TUBA1C: variants seen among roughly 807,000 people sequenced by gnomAD.
TUBA1C encodes tubulin alpha-1C chain.
TUBA1C carries 16 observed loss-of-function variants against 34.9 expected under a neutral mutation model. That is an observed-to-expected ratio of 0.46 (90% CI 0.31 to 0.70). TUBA1C has a LOEUF of 0.70. Among genes scored for constraint, TUBA1C ranks in the 30% least tolerant of loss-of-function variants. The probability of loss-of-function intolerance (pLI) is 0.05; values close to 1 mark genes in which losing one functional copy is unlikely to be tolerated. For missense variants in TUBA1C, 329 were observed against 587.3 expected (o/e 0.56, Z 4.55); for synonymous variants, 177 against 215.9 (o/e 0.82, Z 1.58).
At chr12:49,241,472 T>G (rs1942614159) in intron 1 of TUBA1C, among the ~76,000 whole-genome samples, 1 of 152,140 alleles carries the variant, frequency 6.6e-6, no homozygotes, top group Non-Finnish European at 1.5e-5. Flanking sequence ...TGCTTCAGCC[T>G]GAAGGGACTG....
chr12:49,240,075 CA>C (rs762491367), intron 1 of TUBA1C, among the ~76,000 whole-genome samples: 1,624 of 150,608 alleles, frequency 0.011, 17 homozygotes, highest in South Asian at 0.018. Flanking sequence ...CACACACACA[CA>C]CCCTGCCTTT....
chr12:49,248,015 A>G (rs1264858918), intron 1 of TUBA1C, among the ~76,000 whole-genome samples: 1 of 144,724 alleles, frequency 6.9e-6, no homozygotes, highest in African/African-American at 2.6e-5. Context: ...GGTGGCTCAC[A>G]CCTGTAATCC....
chr12:49,269,504 C>T lies in TUBA1C; in HGVS notation c.43C>T (p.Gln15Ter). The T allele has an allele frequency of 6.2e-7, 1 of 1,614,234 alleles. No homozygotes were observed. Among genetic ancestry groups the T allele is most frequent in the South Asian group, 1.1e-5 (1 of 91,086 alleles). ...CATCCACGTTGGCCAGGCTGGTGTC[C>T]AGATTGGCAATGCCTGCTGGGAGCT... The part of the protein sequence containing the change: ...ISIHVGQAGV[Q>*]IGNACWELYC... Residue 15 changes from glutamine (Q) to a stop codon, truncating the protein, a stop_gained, in exon 2 of 4, where the codon CAG becomes TAG. Transcript: ENST00000301072. LOFTEE classifies it high-confidence loss of function.
At chr12:49,250,526 A>T (rs1942722985) in intron 1 of TUBA1C, among the ~76,000 whole-genome samples, 1 of 150,628 alleles carries the variant, frequency 6.6e-6, no homozygotes, top group Non-Finnish European at 1.5e-5. Context: ...TCCGTCTCAA[A>T]AAAAAAAAAA....
intron 1 of TUBA1C, among the ~76,000 whole-genome samples, chr12:49,239,646 G>GAAAA: frequency 8.6e-6 from 1 of 116,154 alleles, no homozygotes; most frequent in East Asian, 2.5e-4. Context: ...GTCTCAAAAA[G>GAAAA]AAAAAAAAAA....
At chr12:49,236,231 AG>A (rs1473046099) in intron 1 of TUBA1C, among the ~76,000 whole-genome samples, 2 of 152,248 alleles carry the variant, frequency 1.3e-5, no homozygotes, top group Admixed American at 1.3e-4. Flanking sequence ...TAAATGCATT[AG>A]CAAACACATT....
At chr12:49,234,908 C>G (rs1565637906) in intron 1 of TUBA1C, among the ~76,000 whole-genome samples, 1 of 152,122 alleles carries the variant, frequency 6.6e-6, no homozygotes, top group Non-Finnish European at 1.5e-5. Context: ...ACCTCCGCCT[C>G]CCAGATTCAA....
intron 1 of TUBA1C, among the ~76,000 whole-genome samples, chr12:49,240,760 T>A (rs923705990): frequency 2.6e-5 from 4 of 151,924 alleles, no homozygotes; most frequent in African/African-American, 9.7e-5. Context: ...ACTAATTTTT[T>A]TTATTATTAT....
At chr12:49,255,961 T>TG (rs1942780860) in intron 1 of TUBA1C, among the ~76,000 whole-genome samples, 1 of 152,142 alleles carries the variant, frequency 6.6e-6, no homozygotes, top group African/African-American at 2.4e-5. Context: ...CTGAGGCCAG[T>TG]GGGTGTGGTG....
In TUBA1C at chr12:49,274,314, T is replaced by TTTTTTTTTTTTG. The variant is rs1943033794; in HGVS notation, c.*1087_*1088insTTTTTTTTTTTG. 7.2e-6 allele frequency: 1 copy of TTTTTTTTTTTTG among 138,858 alleles called. No individual in the cohort carries two copies. The highest frequency in any genetic ancestry group is 2.8e-5 in the African/African-American group (1 of 35,636). The allele number at this position is 138,858 out of a possible 1,614,324, so 8.6% of individuals were successfully genotyped here. ...TTTTTTTTTTTTTTTTTTTTTTTTT[T>TTTTTTTTTTTTG]GGTAGAGATGGGGTTTTGCCATGTT... is the stretch of plus-strand genomic sequence containing the variant. On this transcript the variant is annotated 3_prime_UTR_variant, in exon 4 of 4. Transcript: ENST00000301072.
upstream of TUBA1C, among the ~76,000 whole-genome samples, chr12:49,262,826 T>C (rs764643850): frequency 6.6e-6 from 1 of 152,076 alleles, no homozygotes; most frequent in Non-Finnish European, 1.5e-5. Flanking sequence ...TTCTGGAAAC[T>C]GTCAACTGAA....
intron 3 of TUBA1C, among the ~76,000 whole-genome samples, chr12:49,271,523 C>T (rs1206567000): frequency 2.0e-5 from 3 of 152,216 alleles, no homozygotes; most frequent in Non-Finnish European, 4.4e-5. Flanking sequence ...TGAGTACTTA[C>T]TTAATTCTCA....
At chr12:49,253,397 G>C (rs1444838004) in intron 1 of TUBA1C, among the ~76,000 whole-genome samples, 3 of 152,154 alleles carry the variant, frequency 2.0e-5, no homozygotes, top group Non-Finnish European at 4.4e-5. Flanking sequence ...GTGCACACGT[G>C]GGCGTGTCAA....
At chr12:49,236,208 T>C (rs1942553564) in intron 1 of TUBA1C, among the ~76,000 whole-genome samples, 1 of 152,246 alleles carries the variant, frequency 6.6e-6, no homozygotes, top group Non-Finnish European at 1.5e-5. Context: ...CAGGCCCTTT[T>C]CACATGAGGG....
chr12:49,268,782 G>A (rs1323031505), intron 1 of TUBA1C, among the ~76,000 whole-genome samples: 2 of 152,128 alleles, frequency 1.3e-5, no homozygotes, highest in African/African-American at 2.4e-5. Context: ...TTTAAAGGAG[G>A]GAGAGAGAAG....
chr12:49,245,228 A>G (rs922591312), intron 1 of TUBA1C, among the ~76,000 whole-genome samples: 1 of 147,818 alleles, frequency 6.8e-6, no homozygotes, highest in Non-Finnish European at 1.5e-5. Context: ...TTCTTTCCCT[A>G]AAAAAAATTA....
At chr12:49,265,973 C>A (rs10875940) in intron 1 of TUBA1C, among the ~76,000 whole-genome samples, 44,498 of 116,764 alleles carry the variant, frequency 0.38, 9,093 homozygotes, top group East Asian at 0.82. Context: ...AAAAAAAAAA[C>A]AAAAAAAAAC....
chr12:49,265,372 G>A (rs1190696803), intron 1 of TUBA1C, among the ~76,000 whole-genome samples, 188 bp downstream of exon 1: 1 of 152,246 alleles, frequency 6.6e-6, no homozygotes, highest in East Asian at 1.9e-4. Flanking sequence ...AGTTCGGGCC[G>A]GAAAACCTGG....
intron 1 of TUBA1C, among the ~76,000 whole-genome samples, chr12:49,250,455 C>T (rs1225619451): frequency 6.6e-5 from 9 of 137,276 alleles, no homozygotes; most frequent in African/African-American, 5.5e-5. Context: ...ACCTGGGAGG[C>T]GGAGCTTGCA....
Sources: gnomAD v4.1 joint callset for allele counts (sites outside exome capture counted in the v4.1 genomes callset) on GRCh38, gnomAD v4.1.1 for gene constraint, MANE v1.5 for transcripts, NCBI Gene and HGNC (gene_info 2026-07-23, HGNC 2026-07-21) for gene names.